The following PRKCE variants were observed in gnomAD, a reference collection of about 807,000 sequenced individuals.
PRKCE encodes the protein protein kinase C epsilon, also known as protein kinase C epsilon type.
A neutral mutation model predicts 85.4 loss-of-function variants in PRKCE; 16 were observed. That is an observed-to-expected ratio of 0.19 (90% CI 0.13 to 0.28). PRKCE has a LOEUF of 0.28. PRKCE is among the 10% of genes least tolerant of loss of function. The pLI, the probability that PRKCE is intolerant of heterozygous loss-of-function variation, is 1.00. For missense variants in PRKCE, 573 were observed against 975.2 expected (o/e 0.59, Z 5.49); for synonymous variants, 388 against 371.5 (o/e 1.04, Z -0.51).
At chr2:46,149,572 G>C (rs1676402193) in intron 12 of PRKCE, among the ~76,000 whole-genome samples, 1 of 151,762 alleles carries the variant, frequency 6.6e-6, no homozygotes, top group African/African-American at 2.4e-5. Flanking sequence ...ACACATCATT[G>C]ATCTGCTACA....
At chr2:46,113,263 G>A (rs915907280) in intron 11 of PRKCE, among the ~76,000 whole-genome samples, 2 of 152,180 alleles carry the variant, frequency 1.3e-5, no homozygotes, top group Non-Finnish European at 2.9e-5. Context: ...TGTGTATTCT[G>A]TGGTCTGTAG....
chr2:45,659,786 C>G (rs1482960154), intron 1 of PRKCE, among the ~76,000 whole-genome samples: 1 of 151,706 alleles, frequency 6.6e-6, no homozygotes, highest in African/African-American at 2.4e-5. Flanking sequence ...TCTGGCAATC[C>G]TATCTAAAAG....
In PRKCE at chr2:46,145,075, T is replaced by C; in HGVS notation, c.1593-18T>C. 1 of 1,599,684 alleles carries C rather than the reference T, an allele frequency of 6.3e-7. No individual in the cohort carries two copies. Among genetic ancestry groups the C allele is most frequent in the Non-Finnish European group, 8.5e-7 (1 of 1,179,906 alleles). ...GGTGAGTGACGTATTGACATTATGG[T>C]CCTGGCCTATCTTGCAGGGATTTGA... On this transcript the variant is annotated intron_variant, in intron 11 of 14. Transcript: ENST00000306156. This position sits in a 1 kb window ranked among gnomAD's most constrained non-coding sequence, Gnocchi z 4.6.
rs1409807838 is a variant in PRKCE at position 45,958,808 on chromosome 2, ATATATATATTTTTTTTTTTTTTTTT to A, written c.413-17619_413-17595del. On this transcript the variant is annotated intron_variant, in intron 2 of 14. Coordinates refer to ENST00000306156, the MANE Select transcript of PRKCE (RefSeq NM_005400.3). Reference sequence around the variant, plus strand: ...CTTTAAAACATATATATATATATATATATATATATTTTTTTTTTTTTTTTTTTTTTTTTTTTTTTTTTTTTTTAAT... The same window carrying A: ...CTTTAAAACATATATATATATATATATTTTTTTTTTTTTTTTTTTTTTAAT... 7.1e-4 allele frequency among the ~76,000 whole-genome samples: 17 copies of A among 23,824 alleles called. 2 individuals are homozygous for A. The Middle Eastern group carries it at 0.044, about 62-fold the overall frequency. 15.6% of individuals were successfully genotyped at this position (23,824 alleles called of 152,430 possible).
intron 14 of PRKCE, among the ~76,000 whole-genome samples, chr2:46,176,423 G>A (rs994149728): frequency 1.3e-5 from 2 of 152,150 alleles, no homozygotes; most frequent in South Asian, 4.1e-4. Flanking sequence ...ATGGGATAGA[G>A]TAATGATACC....
At chr2:45,655,515 G>A (rs191750029) in intron 1 of PRKCE, among the ~76,000 whole-genome samples, 16 of 152,268 alleles carry the variant, frequency 1.1e-4, no homozygotes, top group Non-Finnish European at 2.1e-4. Flanking sequence ...GGTACCATTA[G>A]TGTGTTAAGA....
chr2:45,949,350 T>C (rs1340654636), intron 2 of PRKCE, among the ~76,000 whole-genome samples: 1 of 151,086 alleles, frequency 6.6e-6, no homozygotes, highest in Non-Finnish European at 1.5e-5. Flanking sequence ...TGATTACCTT[T>C]AAAATATTCT....
At chr2:45,756,121 A>C (rs549598893) in intron 1 of PRKCE, among the ~76,000 whole-genome samples, 17 of 152,338 alleles carry the variant, frequency 1.1e-4, no homozygotes, top group African/African-American at 3.6e-4. Flanking sequence ...CAGAATTCTT[A>C]AAACATGATG....
chr2:45,891,679 G>A (rs527949211), intron 2 of PRKCE, among the ~76,000 whole-genome samples: 71 of 152,306 alleles, frequency 4.7e-4, no homozygotes, highest in African/African-American at 1.6e-3. Flanking sequence ...TCTTCCGCAC[G>A]TAGAGTGGGG....
rs1448051888 is a variant in PRKCE at position 46,001,417 on chromosome 2, T to C, written c.837T>C (p.Asn279=). 2.5e-6 allele frequency: 4 copies of C among 1,599,130 alleles called. No homozygotes were observed. Among genetic ancestry groups the C allele is most frequent in the South Asian group, 1.1e-5 (1 of 91,016 alleles). ...GTCTCCTTACAGTCTGCAAAATGAA[T>C]GTTCACCGTCGATGTGAGACCAACG... is the stretch of plus-strand genomic sequence containing the variant. ...QGLQCKVCKM[N]VHRRCETNVA... The change falls in exon 7 of 15, where the codon AAT becomes AAC. Residue 279 remains asparagine, a synonymous_variant. Transcript: ENST00000306156. This position sits in a 1 kb window ranked among gnomAD's most constrained non-coding sequence, Gnocchi z 4.4.
chr2:45,736,261 G>A (rs1276690184), intron 1 of PRKCE, among the ~76,000 whole-genome samples: 6 of 151,996 alleles, frequency 3.9e-5, no homozygotes, highest in Admixed American at 2.6e-4. Flanking sequence ...GTGCCTGACC[G>A]ACATACACAT....
chr2:45,987,922 C>T (rs540302767), intron 6 of PRKCE, among the ~76,000 whole-genome samples: 3 of 152,318 alleles, frequency 2.0e-5, no homozygotes, highest in Admixed American at 6.5e-5. Context: ...GCAGGGGCTG[C>T]TTGTGCCCAG....
intron 2 of PRKCE, among the ~76,000 whole-genome samples, chr2:45,854,112 C>T (rs1281943189): frequency 1.3e-5 from 2 of 152,166 alleles, no homozygotes; most frequent in Non-Finnish European, 2.9e-5. Context: ...CCTGCTTGCC[C>T]CATCTAAGGG....
chr2:45,659,064 A>G (rs1675514357), intron 1 of PRKCE, among the ~76,000 whole-genome samples: 2 of 152,208 alleles, frequency 1.3e-5, no homozygotes, highest in African/African-American at 4.8e-5. Flanking sequence ...AGTGCTGTTG[A>G]CACTAAATTC....
At chr2:46,067,452 C>T (rs1396144353) in intron 10 of PRKCE, among the ~76,000 whole-genome samples, 1 of 152,208 alleles carries the variant, frequency 6.6e-6, no homozygotes, top group African/African-American at 2.4e-5. Context: ...TAGCCGAAGG[C>T]AGTGAGTTTT....
rs1373225537 is a variant in PRKCE at position 46,184,369 on chromosome 2, G to A, written c.2068-366G>A. Among the ~76,000 whole-genome samples, 2 of 151,954 alleles carry A rather than the reference G, an allele frequency of 1.3e-5. No homozygotes were observed. The highest frequency in any genetic ancestry group is 4.8e-5 in the African/African-American group (2 of 41,334). ...TCACAGGGAGGAATGTTGTAATGGA[G>A]CCAGTAGGTTACAGCAGTTGCTGAA... On this transcript the variant is annotated intron_variant, in intron 14 of 14. Transcript: ENST00000306156. This position sits in a 1 kb window ranked among gnomAD's most constrained non-coding sequence, Gnocchi z 5.0.
intron 2 of PRKCE, among the ~76,000 whole-genome samples, chr2:45,874,419 G>A (rs1443981491): frequency 1.3e-5 from 2 of 152,228 alleles, no homozygotes; most frequent in African/African-American, 4.8e-5. Flanking sequence ...GCTGAGGGAG[G>A]AAAGAGGCTG....
At chr2:46,167,193 GC>G (rs1558522491) in intron 14 of PRKCE, among the ~76,000 whole-genome samples, 1 of 152,128 alleles carries the variant, frequency 6.6e-6, no homozygotes. Context: ...GGAATCAGAT[GC>G]AACCAGGTTC....
intron 11 of PRKCE, among the ~76,000 whole-genome samples, chr2:46,087,589 T>G (rs1669766047): frequency 6.6e-6 from 1 of 152,248 alleles, no homozygotes; most frequent in Non-Finnish European, 1.5e-5. Context: ...TAGCCTGCCA[T>G]TCATGGCCCT....
Sources: allele counts gnomAD v4.1 joint callset (sites outside exome capture counted in the v4.1 genomes callset), GRCh38; gene constraint gnomAD v4.1.1; non-coding constraint Gnocchi (gnomAD v3.1); transcripts MANE v1.5; gene names NCBI Gene and HGNC (gene_info 2026-07-23, HGNC 2026-07-21).